The following LRPPRC variants were observed in gnomAD, a reference collection of about 807,000 sequenced individuals.
The protein encoded by LRPPRC is leucine rich pentatricopeptide repeat containing.
In LRPPRC, 120 loss-of-function variants were observed where a neutral mutation model predicts 180.3. The observed-to-expected ratio is 0.67, with a 90% CI of 0.57 to 0.77. LRPPRC has a LOEUF of 0.77. Ranked by LOEUF, LRPPRC falls within the 30% of genes least tolerant of loss-of-function variation. LRPPRC has a pLI of 0.00. For missense variants in LRPPRC, 2,012 were observed against 1,657.2 expected (o/e 1.21, Z -3.72); for synonymous variants, 723 against 600.0 (o/e 1.21, Z -3.00).
At chr2:43,936,380 T>A (rs1319907539) in intron 23 of LRPPRC, among the ~76,000 whole-genome samples, 3 of 152,196 alleles carry the variant, frequency 2.0e-5, no homozygotes, top group African/African-American at 7.2e-5. Context: ...GAAAAGAGAG[T>A]ATGAAAGGTA....
intron 31 of LRPPRC, among the ~76,000 whole-genome samples, chr2:43,905,060 C>A (rs1041049747): frequency 4.6e-5 from 7 of 152,184 alleles, no homozygotes; most frequent in Non-Finnish European, 1.0e-4. Context: ...AATCCCAATC[C>A]TCCCCAAAGT....
chr2:43,981,567 G>C (rs1674308764), intron 2 of LRPPRC, among the ~76,000 whole-genome samples: 1 of 151,906 alleles, frequency 6.6e-6, no homozygotes, highest in Non-Finnish European at 1.5e-5. Context: ...TGAGGCAGGA[G>C]AGTTGCTTGA....
chr2:43,894,743 TATTAA>T (rs1304770297), intron 35 of LRPPRC, 114 bp from the exon 36 acceptor site: 4 of 687,122 alleles, frequency 5.8e-6, no homozygotes, highest in Non-Finnish European at 1.1e-5. Flanking sequence ...CAGAACTACC[TATTAA>T]ATTTAATGCA....
intron 25 of LRPPRC, 40 bp from the exon 26 acceptor site, chr2:43,926,001 T>A: frequency 8.7e-7 from 1 of 1,142,926 alleles, no homozygotes; most frequent in Non-Finnish European, 1.3e-6. Flanking sequence ...AAGGTAAGGC[T>A]TCGGCTGAAT....
chr2:43,988,300 G>T (rs1195130678), intron 1 of LRPPRC, among the ~76,000 whole-genome samples: 1 of 151,394 alleles, frequency 6.6e-6, no homozygotes, highest in Non-Finnish European at 1.5e-5. Context: ...ACTTTGGGAG[G>T]CCAAGGCGGG....
intron 25 of LRPPRC, among the ~76,000 whole-genome samples, chr2:43,928,221 A>G (rs1671958801): frequency 6.6e-6 from 1 of 152,258 alleles, no homozygotes; most frequent in Admixed American, 6.5e-5. Context: ...TATAGGGGAA[A>G]AAAAAGTAAT....
At position 43,888,666 on chromosome 2, in the gene LRPPRC, A is replaced by G. The variant is rs1572881243; in HGVS notation, c.4129-10T>C. 1 of 1,530,078 alleles carries G rather than the reference A, an allele frequency of 6.5e-7. No individual in the cohort carries two copies. Among genetic ancestry groups the G allele is most frequent in the Non-Finnish European group, 9.1e-7 (1 of 1,103,952 alleles). 94.8% of individuals were successfully genotyped at this position (1,530,078 alleles called of 1,614,324 possible). On this transcript the variant is annotated splice_polypyrimidine_tract_variant and intron_variant, in intron 37 of 37. Coordinates refer to ENST00000260665, the MANE Select transcript of LRPPRC (RefSeq NM_133259.4). ...AAAATTCAAAGCTTTCCTGTTAAGG[A>G]GAAAAAAAGAGGGAAGTTAGAGATA...
intron 31 of LRPPRC, chr2:43,902,855 A>C (rs758149744): frequency 1.3e-5 from 2 of 152,196 alleles, no homozygotes; most frequent in Non-Finnish European, 2.9e-5. Context: ...TAACAAAAAT[A>C]AGATTAATGA....
intron 6 of LRPPRC, among the ~76,000 whole-genome samples, chr2:43,975,831 C>A (rs766687774): frequency 6.6e-6 from 1 of 152,140 alleles, no homozygotes; most frequent in Non-Finnish European, 1.5e-5. Context: ...GATCTGCCCA[C>A]CTCAGCCTCC....
intron 1 of LRPPRC, among the ~76,000 whole-genome samples, chr2:43,991,575 G>C (rs1674783478): frequency 6.6e-6 from 1 of 152,118 alleles, no homozygotes; most frequent in Non-Finnish European, 1.5e-5. Flanking sequence ...CACACACAAA[G>C]CAGCTCTGAT....
chr2:43,970,149 C>T (rs1020588024), intron 11 of LRPPRC, among the ~76,000 whole-genome samples: 4 of 152,206 alleles, frequency 2.6e-5, no homozygotes, highest in African/African-American at 9.6e-5. Context: ...AAACCCTTCA[C>T]CCCATCTTCT....
chr2:43,924,941 T>C (rs1671824012), intron 27 of LRPPRC, 126 bp downstream of exon 27: 2 of 720,334 alleles, frequency 2.8e-6, no homozygotes, highest in Admixed American at 1.9e-5. Context: ...AGCCTCTACC[T>C]GAGCCTCTGT....
At chr2:43,917,649 C>A (rs1424545439) in intron 29 of LRPPRC, among the ~76,000 whole-genome samples, 2 of 151,880 alleles carry the variant, frequency 1.3e-5, no homozygotes, top group Admixed American at 1.3e-4. Flanking sequence ...ATTAGCCAGG[C>A]GTGGGGGCGG....
intron 1 of LRPPRC, among the ~76,000 whole-genome samples, chr2:43,982,979 C>G (rs1674378492): frequency 6.6e-6 from 1 of 151,414 alleles, no homozygotes. Flanking sequence ...TCTAATCTGT[C>G]TAAATAAAGT....
rs115557687 is a variant in LRPPRC at position 43,915,462 on chromosome 2, G to T, written c.3148+2563C>A. ...CAACTTCGGGAGGCCAAGGCGGGCA[G>T]ATCACGAAGTCAGGAATTTGAGATC... On this transcript the variant is annotated intron_variant, in intron 29 of 37. Coordinates refer to ENST00000260665, the MANE Select transcript of LRPPRC (RefSeq NM_133259.4). 6.3e-3 allele frequency among the ~76,000 whole-genome samples: 952 copies of T among 152,046 alleles called. 7 individuals carry two copies. Among genetic ancestry groups the T allele is most frequent in the Non-Finnish European group, 9.2e-3 (628 of 67,992 alleles).
intron 23 of LRPPRC, among the ~76,000 whole-genome samples, chr2:43,938,206 C>G (rs971248383): frequency 6.6e-6 from 1 of 151,486 alleles, no homozygotes; most frequent in African/African-American, 2.4e-5. Context: ...AATCAAGACA[C>G]CCCCCTCAAA....
At chr2:43,899,745 A>G in intron 32 of LRPPRC, 140 bp from the exon 33 acceptor site, 1 of 639,138 alleles carries the variant, frequency 1.6e-6, no homozygotes, top group Non-Finnish European at 2.8e-6. Context: ...TTAACCAAAT[A>G]AACACTAGGC....
At chr2:43,957,625 C>A (rs1673175519) in intron 13 of LRPPRC, among the ~76,000 whole-genome samples, 174 bp from the exon 14 acceptor site, 1 of 152,126 alleles carries the variant, frequency 6.6e-6, no homozygotes, top group Non-Finnish European at 1.5e-5. Context: ...TATATATCTG[C>A]AATATAAGCT....
chr2:43,904,565 C>CAT, intron 31 of LRPPRC: 1 of 151,804 alleles, frequency 6.6e-6, no homozygotes, highest in East Asian at 1.9e-4. Context: ...TGGTGGCGGG[C>CAT]GCCTGTAATC....
Sources: allele counts gnomAD v4.1 joint callset (sites outside exome capture counted in the v4.1 genomes callset), GRCh38; gene constraint gnomAD v4.1.1; transcripts MANE v1.5; gene names NCBI Gene and HGNC (gene_info 2026-07-23, HGNC 2026-07-21).